Variants in AKAP1 observed in about 807,000 individuals in gnomAD.
The protein encoded by AKAP1 is A-kinase anchoring protein 1, also known as A-kinase anchor protein 1, mitochondrial.
AKAP1 carries 32 observed loss-of-function variants against 79.8 expected under a neutral mutation model. The ratio of observed to expected loss-of-function variants is 0.40; its 90% CI spans 0.30 to 0.54. AKAP1 has a LOEUF of 0.54. Among genes scored for constraint, AKAP1 ranks in the 20% least tolerant of loss-of-function variants. The pLI, the probability that AKAP1 is intolerant of heterozygous loss-of-function variation, is 0.47. For synonymous variants in AKAP1, 416 were observed against 466.7 expected (o/e 0.89, Z 1.40); for missense variants, 961 against 1,138.9 (o/e 0.84, Z 2.25).
intron 1 of AKAP1, among the ~76,000 whole-genome samples, chr17:57,089,309 A>G (rs1263413636): frequency 6.6e-6 from 1 of 152,160 alleles, no homozygotes; most frequent in Non-Finnish European, 1.5e-5. Context: ...TGTTCATCTC[A>G]AGTTCTTAGC....
intron 1 of AKAP1, among the ~76,000 whole-genome samples, chr17:57,100,022 C>G (rs778514264): frequency 4.6e-5 from 7 of 152,204 alleles, no homozygotes; most frequent in Non-Finnish European, 8.8e-5. Context: ...TTGGGATCAA[C>G]TTTTAGTTCT....
chr17:57,087,748 G>A (rs1322710341), intron 1 of AKAP1, among the ~76,000 whole-genome samples: 1 of 152,196 alleles, frequency 6.6e-6, no homozygotes, highest in African/African-American at 2.4e-5. Flanking sequence ...GCTTGTTTGG[G>A]AGGAAAAACG....
chr17:57,105,619 C>T lies in AKAP1; in HGVS notation c.155C>T (p.Pro52Leu). 6.2e-7 allele frequency: 1 copy of T among 1,614,118 alleles called. No individual in the cohort carries two copies. Among genetic ancestry groups the T allele is most frequent in the South Asian group, 1.1e-5 (1 of 91,082 alleles). ...EAGAVQLRAD[P>L]AIKEPLPVED... ...GGTGCTGTGCAGCTGAGGGCTGACC[C>T]TGCCATCAAGGAACCTCTCCCCGTG... is the stretch of plus-strand genomic sequence containing the variant. Residue 52 changes from proline (P) to leucine (L), a missense_variant, in exon 2 of 11, where the codon CCT becomes CTT. Transcript: ENST00000337714.
At chr17:57,116,794 A>G in intron 7 of AKAP1, 66 bp from the exon 8 acceptor site, 8 of 1,459,372 alleles carry the variant, frequency 5.5e-6, no homozygotes, top group Non-Finnish European at 7.7e-6. Context: ...ACAAAGATGA[A>G]TACTGGCTTG....
chr17:57,100,339 A>G (rs1914413597), intron 1 of AKAP1, among the ~76,000 whole-genome samples: 2 of 152,210 alleles, frequency 1.3e-5, no homozygotes, highest in Non-Finnish European at 2.9e-5. Flanking sequence ...TAATCCCAGC[A>G]GTTTTTGAGG....
intron 9 of AKAP1, 46 bp downstream of exon 9, chr17:57,118,500 G>A (rs1268431265): frequency 6.3e-7 from 1 of 1,594,920 alleles, no homozygotes; most frequent in Admixed American, 1.7e-5. Flanking sequence ...CTGGGTTCTT[G>A]GGAACTGACC....
intron 2 of AKAP1, among the ~76,000 whole-genome samples, chr17:57,109,025 T>C (rs988898477): frequency 1.3e-5 from 2 of 152,230 alleles, no homozygotes; most frequent in African/African-American, 4.8e-5. Context: ...GGGAAGTCAT[T>C]TTGAAGGTGA....
Position 57,110,172 on chromosome 17 carries a change from C to G in AKAP1, c.1848+14C>G. Reference sequence around the variant, plus strand: ...GAGGTGCCAAAGGTAGGGGCGGAGTCCCCCAGGCTGGTTCTGTGGTAAGCC... The same window carrying G: ...GAGGTGCCAAAGGTAGGGGCGGAGTGCCCCAGGCTGGTTCTGTGGTAAGCC... On this transcript the variant is annotated intron_variant, in intron 3 of 10. Coordinates refer to ENST00000337714, the MANE Select transcript of AKAP1 (RefSeq NM_003488.4). The G allele has an allele frequency of 3.7e-6, 6 of 1,613,220 alleles. No homozygotes were observed. The highest frequency in any genetic ancestry group is 5.1e-6 in the Non-Finnish European group (6 of 1,179,770).
rs1202632403 is a variant in AKAP1 at position 57,086,728 on chromosome 17, AG to A, written c.-25+1331del. On this transcript the variant is annotated intron_variant, in intron 1 of 10. Transcript: ENST00000337714. The surrounding 1 kb of genome is among the most constrained non-coding windows in gnomAD (Gnocchi z 5.1). ...TGATCAAGGAACACCGTTCACAAAA[AG>A]CTATTAATTCTGGCAACTAGTAGCC... is the stretch of plus-strand genomic sequence containing the variant. Among the ~76,000 whole-genome samples, 2 of 152,132 alleles carry A rather than the reference AG, an allele frequency of 1.3e-5. No individual in the cohort carries two copies. The highest frequency in any genetic ancestry group is 1.5e-5 in the Non-Finnish European group (1 of 68,034).
At chr17:57,113,327 A>G (rs368492417) in intron 5 of AKAP1, among the ~76,000 whole-genome samples, 1 of 151,888 alleles carries the variant, frequency 6.6e-6, no homozygotes, top group Non-Finnish European at 1.5e-5. Context: ...ACGACTGTTG[A>G]CTACGTTTTA....
rs943345229 is a variant in AKAP1, at chr17:57,114,278, T to C, written c.2104-181T>C. 3.3e-5 allele frequency among the ~76,000 whole-genome samples: 5 copies of C among 152,186 alleles called. No homozygotes were observed. In the Middle Eastern group the frequency reaches 0.014, roughly 414 times the overall value. ...TATTGCAGGACAACAGCCACAGGGGTGTCGAACACTTTCTGTTGTTAAAGT... is the reference window on the plus strand; with the variant it reads ...TATTGCAGGACAACAGCCACAGGGGCGTCGAACACTTTCTGTTGTTAAAGT... On this transcript the variant is annotated intron_variant, in intron 5 of 10. Transcript: ENST00000337714.
chr17:57,110,841 G>A (rs747860446), intron 3 of AKAP1, among the ~76,000 whole-genome samples: 1 of 152,200 alleles, frequency 6.6e-6, no homozygotes, highest in Non-Finnish European at 1.5e-5. Flanking sequence ...GTGCTTAAGT[G>A]GTTTCGAGCT....
intron 7 of AKAP1, 144 bp downstream of exon 7, chr17:57,116,405 A>G (rs1915588569): frequency 1.8e-6 from 2 of 1,090,284 alleles, no homozygotes; most frequent in Non-Finnish European, 2.7e-6. Context: ...AGAGTCTGAT[A>G]GAAACAAACT....
intron 1 of AKAP1, among the ~76,000 whole-genome samples, chr17:57,090,299 A>G (rs1182321802): frequency 1.4e-5 from 2 of 140,832 alleles, no homozygotes; most frequent in Non-Finnish European, 3.0e-5. Flanking sequence ...ATGAGCACCT[A>G]CTGGCATATT....
intron 9 of AKAP1, 76 bp from the exon 10 acceptor site, chr17:57,118,906 A>C: frequency 2.0e-6 from 3 of 1,493,160 alleles, no homozygotes; most frequent in Non-Finnish European, 2.8e-6. Context: ...GGGATTATGG[A>C]GATGACAATT....
chr17:57,100,449 A>ACACACACG (rs1914433012), intron 1 of AKAP1, among the ~76,000 whole-genome samples: 2 of 151,174 alleles, frequency 1.3e-5, no homozygotes, highest in East Asian at 1.9e-4. Flanking sequence ...ACACACACGC[A>ACACACACG]CACACACACA....
chr17:57,088,575 G>A (rs1026908560), intron 1 of AKAP1, among the ~76,000 whole-genome samples: 2 of 152,222 alleles, frequency 1.3e-5, no homozygotes, highest in African/African-American at 4.8e-5. Context: ...TGGGTGTGGA[G>A]TTAAAACTAG....
At chr17:57,116,416 C>G (rs1420703984) in intron 7 of AKAP1, among the ~76,000 whole-genome samples, 155 bp downstream of exon 7, 1 of 152,114 alleles carries the variant, frequency 6.6e-6, no homozygotes, top group Non-Finnish European at 1.5e-5. Flanking sequence ...GAAACAAACT[C>G]GATTACTCGC....
intron 1 of AKAP1, among the ~76,000 whole-genome samples, chr17:57,103,621 T>A (rs1335449331): frequency 1.3e-5 from 2 of 152,236 alleles, no homozygotes; most frequent in Non-Finnish European, 2.9e-5. Context: ...GCATTTGTTA[T>A]CTCTAAAAGA....
Sources: allele counts gnomAD v4.1 joint callset (sites outside exome capture counted in the v4.1 genomes callset), GRCh38; gene constraint gnomAD v4.1.1; non-coding constraint Gnocchi (gnomAD v3.1); transcripts MANE v1.5; gene names NCBI Gene and HGNC (gene_info 2026-07-23, HGNC 2026-07-21).